The following DLGAP2 variants were observed in gnomAD, a reference collection of about 807,000 sequenced individuals.
DLGAP2 encodes disks large-associated protein 2.
A neutral mutation model predicts 100.3 loss-of-function variants in DLGAP2; 26 were observed. The ratio of observed to expected loss-of-function variants is 0.26; its 90% confidence interval spans 0.19 to 0.36. The LOEUF (loss-of-function observed/expected upper bound fraction) is 0.36. Ranked by LOEUF, DLGAP2 falls within the 10% of genes least tolerant of loss-of-function variation. The pLI is 1.00. For missense variants in DLGAP2, 1,858 were observed against 1,453.2 expected (o/e 1.28, Z -4.53); for synonymous variants, 886 against 630.1 (o/e 1.41, Z -6.08).
chr8:1,260,050 C>T (rs188810213), intron 3 of DLGAP2, among the ~76,000 whole-genome samples: 8 of 152,114 alleles, frequency 5.3e-5, no homozygotes, highest in African/African-American at 1.9e-4. Context: ...TGATGTTTTA[C>T]AGTCAGGTGG....
chr8:1,411,573 C>G (rs751368286), intron 3 of DLGAP2, among the ~76,000 whole-genome samples: 1 of 152,148 alleles, frequency 6.6e-6, no homozygotes, highest in Non-Finnish European at 1.5e-5. Context: ...ACGAGGTAAC[C>G]GAAATGCGGA....
chr8:1,026,281 T>C (rs550593632), intron 2 of DLGAP2, among the ~76,000 whole-genome samples: 1 of 152,324 alleles, frequency 6.6e-6, no homozygotes, highest in African/African-American at 2.4e-5. Context: ...ATGGCGCGCT[T>C]GCCCCATGAC....
chr8:1,365,882 A>G (rs1248020558), intron 3 of DLGAP2, among the ~76,000 whole-genome samples: 2 of 152,228 alleles, frequency 1.3e-5, no homozygotes, highest in Non-Finnish European at 2.9e-5. Context: ...ACTCCCCAGA[A>G]TAAACATCTG....
chr8:1,200,886 C>T (rs1797856052), intron 2 of DLGAP2, among the ~76,000 whole-genome samples: 1 of 152,240 alleles, frequency 6.6e-6, no homozygotes, highest in South Asian at 2.1e-4. Context: ...GCTGCTGGCT[C>T]CCGTGCTCGG....
At chr8:1,222,671 G>A (rs1463760144) in intron 2 of DLGAP2, among the ~76,000 whole-genome samples, 1 of 152,250 alleles carries the variant, frequency 6.6e-6, no homozygotes, top group East Asian at 1.9e-4. Context: ...GTGCATGCTG[G>A]CAGGGGAAAG....
chr8:1,577,056 C>T (rs879503298), intron 6 of DLGAP2, among the ~76,000 whole-genome samples: 1 of 152,156 alleles, frequency 6.6e-6, no homozygotes, highest in Non-Finnish European at 1.5e-5. Flanking sequence ...GGAGGATATT[C>T]TTCATGTTTT....
intron 2 of DLGAP2, among the ~76,000 whole-genome samples, chr8:1,010,303 T>TCA (rs35654511): frequency 0.39 from 57,981 of 149,300 alleles, 11,708 homozygotes; most frequent in African/African-American, 0.47. Flanking sequence ...CACTCAGATA[T>TCA]CAGTTTTATA....
At chr8:1,017,960 T>C (rs976241125) in intron 2 of DLGAP2, among the ~76,000 whole-genome samples, 5 of 152,180 alleles carry the variant, frequency 3.3e-5, no homozygotes, top group Non-Finnish European at 7.4e-5. Flanking sequence ...ACTTTCCTAG[T>C]TGTGGCAGAG....
intron 7 of DLGAP2, among the ~76,000 whole-genome samples, 193 bp downstream of exon 7, chr8:1,627,080 C>T (rs895963072): frequency 6.6e-6 from 1 of 152,240 alleles, no homozygotes; most frequent in Non-Finnish European, 1.5e-5. Flanking sequence ...ATATTTTTGA[C>T]GTGTATAACT....
At position 1,691,798 on chromosome 8, in the gene DLGAP2, T is replaced by C. The variant is rs532907507; in HGVS notation, c.2796+172T>C. Among the ~76,000 whole-genome samples, 13 of 152,166 alleles carry C rather than the reference T, an allele frequency of 8.5e-5. No homozygotes were observed. In the East Asian group the frequency reaches 2.5e-3, roughly 29 times the overall value. On this transcript the variant is annotated intron_variant, in intron 13 of 14. Transcript: ENST00000637795. ...CCTGGGGAAAGAGACGATTCGGCCC[T>C]GGTTTAAACGCGGTACCGAGGCAGG...
chr8:1,653,338 G>C (rs6991703), intron 8 of DLGAP2, among the ~76,000 whole-genome samples: 1 of 152,002 alleles, frequency 6.6e-6, no homozygotes, highest in Non-Finnish European at 1.5e-5. Flanking sequence ...CCCCGCTCAC[G>C]GGGAGGCTGC....
intron 3 of DLGAP2, among the ~76,000 whole-genome samples, chr8:1,305,319 G>A (rs182867259): frequency 6.6e-6 from 1 of 152,272 alleles, no homozygotes; most frequent in East Asian, 1.9e-4. Context: ...GTTGTTTCTG[G>A]GATATTGTGG....
intron 3 of DLGAP2, among the ~76,000 whole-genome samples, chr8:1,437,133 GACGCC>G (rs1797661643): frequency 2.7e-5 from 4 of 150,632 alleles, no homozygotes; most frequent in Middle Eastern, 3.2e-3. Flanking sequence ...GCGTAAGGGT[GACGCC>G]ATCCGGGTCT....
At chr8:1,287,663 G>T (rs1420894247) in intron 3 of DLGAP2, among the ~76,000 whole-genome samples, 7 of 95,940 alleles carry the variant, frequency 7.3e-5, no homozygotes, top group South Asian at 3.8e-4. Flanking sequence ...TGTGTGTATG[G>T]TTCTGTTAGG....
At chr8:1,633,069 C>T (rs374997061) in intron 8 of DLGAP2, 23 bp downstream of exon 8, 1 of 1,613,262 alleles carries the variant, frequency 6.2e-7, no homozygotes. Flanking sequence ...CATTTTCAGC[C>T]TTCCAGCGGG....
intron 3 of DLGAP2, among the ~76,000 whole-genome samples, chr8:1,371,306 A>G (rs144032807): frequency 0.016 from 2,423 of 152,250 alleles, 24 homozygotes; most frequent in Middle Eastern, 0.11. Flanking sequence ...TAACTCACTC[A>G]TTTCCTGACT....
chr8:1,158,688 C>T (rs1186997439), intron 2 of DLGAP2, among the ~76,000 whole-genome samples: 4 of 152,352 alleles, frequency 2.6e-5, no homozygotes. Flanking sequence ...GTGACGCCGT[C>T]CACGGCAGCT....
intron 2 of DLGAP2, among the ~76,000 whole-genome samples, chr8:1,050,913 C>T (rs1802660741): frequency 6.7e-6 from 1 of 150,124 alleles, no homozygotes; most frequent in Non-Finnish European, 1.5e-5. Flanking sequence ...TCGAGAGAGG[C>T]TGTCACGTGC....
intron 2 of DLGAP2, among the ~76,000 whole-genome samples, chr8:1,202,982 C>CT (rs1797912019): frequency 2.0e-5 from 3 of 152,194 alleles, no homozygotes; most frequent in African/African-American, 7.2e-5. Flanking sequence ...TCCGTGTACT[C>CT]CGGTGATTGC....
Sources: gnomAD v4.1 joint callset for allele counts (sites outside exome capture counted in the v4.1 genomes callset) on GRCh38, gnomAD v4.1.1 for gene constraint, MANE v1.5 for transcripts, NCBI Gene and HGNC (gene_info 2026-07-23, HGNC 2026-07-21) for gene names.